SSBP2: variants seen among roughly 807,000 people sequenced by gnomAD.
SSBP2 encodes the protein single stranded DNA binding protein 2, also known as single-stranded DNA-binding protein 2.
SSBP2 carries 17 observed loss-of-function variants against 61.8 expected under a neutral mutation model. That is an observed-to-expected ratio of 0.28 (90% confidence interval 0.19 to 0.41). The LOEUF is 0.41. Among genes scored for constraint, SSBP2 ranks in the 10% least tolerant of loss-of-function variants. SSBP2 has a pLI of 1.00. For missense variants in SSBP2, 310 were observed against 458.7 expected (o/e 0.68, Z 2.96); for synonymous variants, 139 against 141.3 (o/e 0.98, Z 0.12).
chr5:81,478,723 G>A (rs1765765102), intron 6 of SSBP2, among the ~76,000 whole-genome samples: 2 of 152,032 alleles, frequency 1.3e-5, no homozygotes, highest in Admixed American at 1.3e-4. Flanking sequence ...CTCCTGCCTT[G>A]GCTTCCCAAA....
intron 1 of SSBP2, among the ~76,000 whole-genome samples, chr5:81,672,900 G>C (rs1429677171): frequency 6.9e-6 from 1 of 144,312 alleles, no homozygotes; most frequent in African/African-American, 2.6e-5. Flanking sequence ...AAACAGTCTC[G>C]TGCTATCCCT....
At chr5:81,701,022 C>T (rs1163494073) in intron 1 of SSBP2, among the ~76,000 whole-genome samples, 1 of 152,042 alleles carries the variant, frequency 6.6e-6, no homozygotes, top group Non-Finnish European at 1.5e-5. Context: ...TTGCATTCAA[C>T]TTGGCTGTTT....
intron 5 of SSBP2, among the ~76,000 whole-genome samples, chr5:81,494,938 A>G (rs2154061964): frequency 6.6e-6 from 1 of 152,314 alleles, no homozygotes; most frequent in African/African-American, 2.4e-5. Context: ...AATGAATGCC[A>G]TTATGTTTTA....
At chr5:81,520,940 G>A (rs1769432993) in intron 4 of SSBP2, among the ~76,000 whole-genome samples, 2 of 151,808 alleles carry the variant, frequency 1.3e-5, no homozygotes, top group Admixed American at 1.3e-4. Context: ...AGTAATCACT[G>A]CCTTGAATCT....
chr5:81,607,967 G>C (rs1328575527), intron 4 of SSBP2, among the ~76,000 whole-genome samples: 1 of 152,062 alleles, frequency 6.6e-6, no homozygotes, highest in Non-Finnish European at 1.5e-5. Flanking sequence ...TACCTAGTGT[G>C]GTAAGTATTT....
At chr5:81,742,677 C>CCCAGCCTGG (rs1358888365) in intron 1 of SSBP2, among the ~76,000 whole-genome samples, 5 of 151,888 alleles carry the variant, frequency 3.3e-5, no homozygotes. Flanking sequence ...GGAGTTCGCG[C>CCCAGCCTGG]CCAGCCTGGC....
intron 1 of SSBP2, among the ~76,000 whole-genome samples, chr5:81,750,020 C>T (rs1020115507): frequency 1.3e-5 from 2 of 151,816 alleles, no homozygotes; most frequent in East Asian, 3.9e-4. Flanking sequence ...TCCGCGCGCC[C>T]CCGACCACCG....
Position 81,548,059 on chromosome 5 carries a change from T to TA in SSBP2, c.283-34343dup, listed in dbSNP as rs573519912. Among the ~76,000 whole-genome samples, 626 of 152,256 alleles carry TA rather than the reference T, an allele frequency of 4.1e-3. 3 individuals carry two copies. Among genetic ancestry groups the TA allele is most frequent in the African/African-American group, 0.014 (595 of 41,554 alleles). The stretch of plus-strand genomic sequence containing the variant: ...ACGTATCCCAGAACTTAAAGTGTAA[T>TA]AAAAAATTATTGCTAAAAACTGCCA... On this transcript the variant is annotated intron_variant, in intron 4 of 16. Coordinates refer to ENST00000320672, the MANE Select transcript of SSBP2 (RefSeq NM_012446.5).
intron 7 of SSBP2, among the ~76,000 whole-genome samples, chr5:81,474,181 A>G (rs893234569): frequency 2.0e-5 from 3 of 152,182 alleles, no homozygotes; most frequent in African/African-American, 7.2e-5. Flanking sequence ...TATCTGAAAA[A>G]GGCAAAAGAA....
chr5:81,579,126 G>A (rs1204177929), intron 4 of SSBP2, among the ~76,000 whole-genome samples: 3 of 152,084 alleles, frequency 2.0e-5, no homozygotes, highest in African/African-American at 7.2e-5. Flanking sequence ...GCTGGCAGAT[G>A]AAGAGGGGGT....
rs574301147 is a variant in SSBP2, at chr5:81,611,912, A to G, written c.282+3561T>C. ...CTTATAAGATAAATACATTCTGGAGATCCATTGTACAACATAGGGCATATG... is the reference window on the plus strand; with the variant it reads ...CTTATAAGATAAATACATTCTGGAGGTCCATTGTACAACATAGGGCATATG... On this transcript the variant is annotated intron_variant, in intron 4 of 16. Coordinates refer to ENST00000320672, the MANE Select transcript of SSBP2 (RefSeq NM_012446.5). Among the ~76,000 whole-genome samples the G allele has an allele frequency of 3.3e-5, 5 of 152,214 alleles. No homozygotes were observed. In the East Asian group the frequency reaches 9.6e-4, roughly 29 times the overall value.
chr5:81,467,311 A>G (rs1764957687), intron 8 of SSBP2, among the ~76,000 whole-genome samples: 1 of 152,068 alleles, frequency 6.6e-6, no homozygotes, highest in Non-Finnish European at 1.5e-5. Flanking sequence ...ATATTTCAAT[A>G]TATTTTATTA....
intron 1 of SSBP2, among the ~76,000 whole-genome samples, chr5:81,742,402 G>T (rs894591510): frequency 2.0e-5 from 3 of 152,004 alleles, no homozygotes; most frequent in Non-Finnish European, 4.4e-5. Flanking sequence ...AGCTAGATAC[G>T]GTGATAGACT....
intron 4 of SSBP2, among the ~76,000 whole-genome samples, chr5:81,582,897 T>C (rs969186174): frequency 2.8e-4 from 43 of 152,148 alleles, no homozygotes; most frequent in African/African-American, 9.9e-4. Flanking sequence ...CTGGCCTTAC[T>C]GTCTTCTTTT....
chr5:81,624,889 C>T (rs1020830991), intron 3 of SSBP2, among the ~76,000 whole-genome samples: 3 of 152,006 alleles, frequency 2.0e-5, no homozygotes, highest in East Asian at 1.9e-4. Flanking sequence ...TTAAATACCA[C>T]GTCTATATAA....
At chr5:81,530,011 T>C (rs1346185196) in intron 4 of SSBP2, among the ~76,000 whole-genome samples, 1 of 151,892 alleles carries the variant, frequency 6.6e-6, no homozygotes, top group Non-Finnish European at 1.5e-5. Context: ...GGAAGAAAAG[T>C]AGACAGAGAT....
chr5:81,552,648 AAAAGAAAAAAG>A (rs1182009602), intron 4 of SSBP2, among the ~76,000 whole-genome samples: 4 of 151,738 alleles, frequency 2.6e-5, no homozygotes, highest in African/African-American at 9.7e-5. Flanking sequence ...TTAAAAAAAA[AAAAGAAAAAAG>A]AAAGAAGAAA....
chr5:81,580,591 C>G (rs960713689), intron 4 of SSBP2, among the ~76,000 whole-genome samples: 1 of 152,020 alleles, frequency 6.6e-6, no homozygotes, highest in African/African-American at 2.4e-5. Context: ...TATTATTTGA[C>G]CCTAGTAGAT....
At chr5:81,473,110 T>C (rs887710524) in intron 8 of SSBP2, among the ~76,000 whole-genome samples, 1 of 152,244 alleles carries the variant, frequency 6.6e-6, no homozygotes, top group African/African-American at 2.4e-5. Flanking sequence ...GTCTAACAAC[T>C]ATGTTACATG....
Sources: allele counts gnomAD v4.1 joint callset (sites outside exome capture counted in the v4.1 genomes callset), GRCh38; gene constraint gnomAD v4.1.1; transcripts MANE v1.5; gene names NCBI Gene and HGNC (gene_info 2026-07-23, HGNC 2026-07-21).